SPRED2: variants seen among roughly 807,000 people sequenced by gnomAD.
The protein encoded by SPRED2 is sprouty-related, EVH1 domain-containing protein 2.
A neutral mutation model predicts 43.0 loss-of-function variants in SPRED2; 47 were observed. That is an observed-to-expected ratio of 1.09 (90% CI 0.87 to 1.40). The LOEUF (loss-of-function observed/expected upper bound fraction) is 1.40. Among genes scored for constraint, SPRED2 ranks in the 40% most tolerant of loss-of-function variants. The pLI is 0.00. For synonymous variants in SPRED2, 225 were observed against 225.7 expected, an observed-to-expected ratio of 1.00 and a Z score of 0.03; for missense variants, 561 against 586.4, an observed-to-expected ratio of 0.96 and a Z score of 0.45.
At chr2:65,323,603 G>A (rs1265523402) in intron 4 of SPRED2, among the ~76,000 whole-genome samples, 12 of 151,740 alleles carry the variant, frequency 7.9e-5, no homozygotes, top group African/African-American at 1.9e-4. Flanking sequence ...CTGGCCAGGC[G>A]CGGTGACTCA....
intron 4 of SPRED2, among the ~76,000 whole-genome samples, chr2:65,321,758 A>C (rs1472159599): frequency 6.6e-6 from 1 of 152,042 alleles, no homozygotes; most frequent in Non-Finnish European, 1.5e-5. Context: ...ATAAAATGGG[A>C]TTTAAAATTT....
intron 1 of SPRED2, among the ~76,000 whole-genome samples, chr2:65,379,346 G>A (rs1675317579): frequency 6.6e-6 from 1 of 152,122 alleles, no homozygotes; most frequent in Admixed American, 6.6e-5. Context: ...ATTTGTCATA[G>A]CTGCTGAGTA....
At chr2:65,402,854 G>GT (rs1043265336) in intron 1 of SPRED2, among the ~76,000 whole-genome samples, 3 of 152,140 alleles carry the variant, frequency 2.0e-5, no homozygotes, top group Non-Finnish European at 2.9e-5. Context: ...CATAATTAGG[G>GT]TTTTAATGTT....
chr2:65,355,039 A>G (rs2104297130), intron 1 of SPRED2, among the ~76,000 whole-genome samples: 1 of 152,332 alleles, frequency 6.6e-6, no homozygotes, highest in South Asian at 2.1e-4. Context: ...CAGGCATGGT[A>G]GTTTAGTAAT....
intron 1 of SPRED2, among the ~76,000 whole-genome samples, chr2:65,374,948 G>A (rs778055631): frequency 2.0e-5 from 3 of 152,200 alleles, no homozygotes; most frequent in Non-Finnish European, 4.4e-5. Flanking sequence ...GGAGAGAAGC[G>A]GGTATCCAAA....
intron 1 of SPRED2, among the ~76,000 whole-genome samples, chr2:65,393,707 C>CTTA (rs1310592885): frequency 6.6e-6 from 1 of 152,160 alleles, no homozygotes; most frequent in Non-Finnish European, 1.5e-5. Context: ...ATGAGAAAGA[C>CTTA]TTATTGGTGT....
downstream of SPRED2, among the ~76,000 whole-genome samples, chr2:65,309,908 G>A (rs1673025214): frequency 6.6e-6 from 1 of 152,112 alleles, no homozygotes; most frequent in Non-Finnish European, 1.5e-5. Context: ...GTGAGGCCTG[G>A]TAAGGACCTG....
intron 1 of SPRED2, among the ~76,000 whole-genome samples, chr2:65,383,176 G>A (rs939573566): frequency 1.3e-5 from 2 of 152,230 alleles, no homozygotes; most frequent in Non-Finnish European, 2.9e-5. Flanking sequence ...CCAGAGGCAG[G>A]TGGACCGGGC....
intron 5 of SPRED2, among the ~76,000 whole-genome samples, chr2:65,314,541 C>A (rs912947166): frequency 6.6e-6 from 1 of 152,212 alleles, no homozygotes; most frequent in African/African-American, 2.4e-5. Flanking sequence ...AGAACAGGAC[C>A]TGTGCCCCAG....
At chr2:65,399,788 A>G (rs1271722040) in intron 1 of SPRED2, among the ~76,000 whole-genome samples, 1 of 152,190 alleles carries the variant, frequency 6.6e-6, no homozygotes, top group Admixed American at 6.5e-5. Context: ...CAAAGGCATA[A>G]GAATCATACA....
chr2:65,336,488 A>G (rs1044600559), intron 2 of SPRED2, among the ~76,000 whole-genome samples: 2 of 152,208 alleles, frequency 1.3e-5, no homozygotes, highest in Admixed American at 1.3e-4. Context: ...ACTTTATTAC[A>G]TTGTATTGAG....
At position 65,399,672 on chromosome 2, in the gene SPRED2, C is replaced by G. The variant is rs2661795; in HGVS notation, c.26+32290G>C. The stretch of plus-strand genomic sequence containing the variant: ...CTGGGATTACAGGCGTGAGCCACTG[C>G]GCCTGGCCTTAACTGGAAACTATTA... On this transcript the variant is annotated intron_variant, in intron 1 of 5. Transcript: ENST00000356388. 4.5e-3 allele frequency among the ~76,000 whole-genome samples: 680 copies of G among 152,014 alleles called. 4 individuals carry two copies. The highest frequency in any genetic ancestry group is 0.016 in the African/African-American group (643 of 41,464).
intron 1 of SPRED2, among the ~76,000 whole-genome samples, chr2:65,349,044 C>G (rs958159159): frequency 6.6e-6 from 1 of 152,110 alleles, no homozygotes; most frequent in Non-Finnish European, 1.5e-5. Context: ...CGCAGTGGCT[C>G]ACGCCTGTAA....
downstream of SPRED2, chr2:65,308,456 T>C (rs1672985925): frequency 1.0e-6 from 1 of 985,384 alleles, no homozygotes; most frequent in Non-Finnish European, 1.2e-6. Context: ...AGTTAAGAAA[T>C]AGAAATCTCA....
rs751185727 is a variant in SPRED2 at position 65,313,966 on chromosome 2, G to A, written c.792C>T (p.Tyr264=). 1.9e-6 allele frequency: 3 copies of A among 1,612,702 alleles called. No individual in the cohort carries two copies. The highest frequency in any genetic ancestry group is 2.2e-5 in the South Asian group (2 of 91,088). The change falls in exon 6 of 6, where the codon TAC becomes TAT. Residue 264 remains tyrosine, a synonymous_variant. Coordinates refer to ENST00000356388, the MANE Select transcript of SPRED2 (RefSeq NM_181784.3). ...FAKGEVPKHD[Y]NYPYVDSSDF... ...CTGAGGAGTCCACGTAGGGGTAGTT[G>A]TAGTCATGCTTGGGGACCTCGCCCT...
In SPRED2 at chr2:65,322,417, C is replaced by G. The variant is rs1673459726; in HGVS notation, c.439-5534G>C. Among the ~76,000 whole-genome samples, 5 of 151,262 alleles carry G rather than the reference C, an allele frequency of 3.3e-5. 1 individual carries two copies. In the South Asian group the frequency reaches 1.0e-3, roughly 32 times the overall value. On this transcript the variant is annotated intron_variant, in intron 4 of 5. Transcript: ENST00000356388. ...CACGCCGTTCTCCTGCCTCAGCCTC[C>G]CAAGTAGCTGGGACTATAGGCACTT...
chr2:65,323,538 G>A lies in SPRED2; in HGVS notation c.439-6655C>T, dbSNP rs187177911. Among the ~76,000 whole-genome samples the A allele has an allele frequency of 2.0e-3, 303 of 151,540 alleles. 2 individuals carry two copies. Among genetic ancestry groups the A allele is most frequent in the African/African-American group, 6.7e-3 (277 of 41,310 alleles). ...AACATTTAAAAAAACAAGAAACAGG[G>A]ACAGGGCTGGCCTGTCCAAATCCTC... On this transcript the variant is annotated intron_variant, in intron 4 of 5. Coordinates refer to ENST00000356388, the MANE Select transcript of SPRED2 (RefSeq NM_181784.3).
chr2:65,405,229 C>T lies in SPRED2; in HGVS notation c.26+26733G>A, dbSNP rs181307317. Among the ~76,000 whole-genome samples, 8 of 152,320 alleles carry T rather than the reference C, an allele frequency of 5.3e-5. No individual in the cohort carries two copies. The East Asian group carries it at 1.5e-3, about 29-fold the overall frequency. ...GGCAGAATCAGGACTTAATGACCTTCTTATGGTACTTTCCACCTTGGTGGA... is the reference window on the plus strand; with the variant it reads ...GGCAGAATCAGGACTTAATGACCTTTTTATGGTACTTTCCACCTTGGTGGA... On this transcript the variant is annotated intron_variant, in intron 1 of 5. Coordinates refer to ENST00000356388, the MANE Select transcript of SPRED2 (RefSeq NM_181784.3).
intron 1 of SPRED2, among the ~76,000 whole-genome samples, chr2:65,355,797 T>C (rs1243861103): frequency 6.6e-6 from 1 of 152,206 alleles, no homozygotes; most frequent in East Asian, 1.9e-4. Context: ...ATTACCATCT[T>C]AAAGCAAACA....
Sources: allele counts gnomAD v4.1 joint callset (sites outside exome capture counted in the v4.1 genomes callset), GRCh38; gene constraint gnomAD v4.1.1; transcripts MANE v1.5; gene names NCBI Gene and HGNC (gene_info 2026-07-23, HGNC 2026-07-21).